SHROOM3: variants seen among roughly 807,000 people sequenced by gnomAD.
The protein encoded by SHROOM3 is protein Shroom3.
SHROOM3 carries 47 observed loss-of-function variants against 138.6 expected under a neutral mutation model. The ratio of observed to expected loss-of-function variants is 0.34; its 90% CI spans 0.27 to 0.43. The LOEUF (loss-of-function observed/expected upper bound fraction) is 0.43, where lower values mean the gene tolerates loss of function less well. Among genes scored for constraint, SHROOM3 ranks in the 20% least tolerant of loss-of-function variants. SHROOM3 has a pLI of 1.00. For synonymous variants in SHROOM3, 1,062 were observed against 1,063.3 expected (o/e 1.00, Z 0.02); for missense variants, 2,491 against 2,596.5 (o/e 0.96, Z 0.88).
intron 2 of SHROOM3, among the ~76,000 whole-genome samples, chr4:76,660,103 G>C (rs1260995204): frequency 6.6e-6 from 1 of 151,968 alleles, no homozygotes; most frequent in African/African-American, 2.4e-5. Flanking sequence ...CCACGTCAGG[G>C]CACTGCCACC....
At chr4:76,660,176 G>A (rs1370668620) in intron 2 of SHROOM3, among the ~76,000 whole-genome samples, 2 of 152,080 alleles carry the variant, frequency 1.3e-5, no homozygotes, top group South Asian at 2.1e-4. Context: ...AGCACCATCA[G>A]CATCTTCACC....
At chr4:76,489,926 G>T (rs1475584776) in intron 1 of SHROOM3, among the ~76,000 whole-genome samples, 3 of 152,156 alleles carry the variant, frequency 2.0e-5, no homozygotes, top group Non-Finnish European at 4.4e-5. Flanking sequence ...CAAAAGCAGG[G>T]ATTTATTGAA....
chr4:76,636,310 C>G (rs1466002949), intron 2 of SHROOM3, among the ~76,000 whole-genome samples: 1 of 152,118 alleles, frequency 6.6e-6, no homozygotes, highest in Non-Finnish European at 1.5e-5. Context: ...ATACACACAG[C>G]CCTACTTGTT....
chr4:76,733,304 G>A (rs1036425659), intron 4 of SHROOM3, among the ~76,000 whole-genome samples: 1 of 152,132 alleles, frequency 6.6e-6, no homozygotes. Flanking sequence ...TTCCTCCTCT[G>A]CATCCCAGCC....
chr4:76,657,497 G>A (rs958894024), intron 2 of SHROOM3, among the ~76,000 whole-genome samples: 2 of 152,118 alleles, frequency 1.3e-5, no homozygotes, highest in Non-Finnish European at 2.9e-5. Flanking sequence ...ACTTGTCCCT[G>A]AATATGCCTG....
chr4:76,554,970 A>G (rs1345872363), intron 1 of SHROOM3, among the ~76,000 whole-genome samples: 1 of 149,910 alleles, frequency 6.7e-6, no homozygotes, highest in Non-Finnish European at 1.5e-5. Flanking sequence ...TAGGTAGCAC[A>G]CTCCTTATGA....
At chr4:76,659,143 G>A (rs1173479971) in intron 2 of SHROOM3, among the ~76,000 whole-genome samples, 1 of 151,902 alleles carries the variant, frequency 6.6e-6, no homozygotes, top group African/African-American at 2.4e-5. Flanking sequence ...TGATTAAATT[G>A]TCTCATTGGA....
At chr4:76,708,600 T>C (rs530367031) in intron 2 of SHROOM3, among the ~76,000 whole-genome samples, 2 of 152,342 alleles carry the variant, frequency 1.3e-5, no homozygotes, top group East Asian at 3.9e-4. Context: ...ACTCATATAA[T>C]CTTTACAGTC....
At chr4:76,639,657 C>T (rs934584743) in intron 2 of SHROOM3, 1 of 398,342 alleles carries the variant, frequency 2.5e-6, no homozygotes, top group African/African-American at 2.1e-5. Context: ...GTGAGGGCTT[C>T]ATGGGCCTGT....
chr4:76,497,974 GGACTTC>G (rs1732004942), intron 1 of SHROOM3, among the ~76,000 whole-genome samples: 1 of 152,232 alleles, frequency 6.6e-6, no homozygotes, highest in South Asian at 2.1e-4. Context: ...GTCAATGTGA[GGACTTC>G]GGCTTTTCCT....
At chr4:76,693,351 C>A (rs1359641472) in intron 2 of SHROOM3, among the ~76,000 whole-genome samples, 1 of 125,406 alleles carries the variant, frequency 8.0e-6, no homozygotes, top group Non-Finnish European at 1.6e-5. Context: ...ACTATGCATA[C>A]CTTCATTTTG....
chr4:76,576,836 A>C (rs961315184), intron 2 of SHROOM3, among the ~76,000 whole-genome samples: 4 of 152,120 alleles, frequency 2.6e-5, no homozygotes, highest in Admixed American at 6.5e-5. Context: ...GTAAGATGGT[A>C]AATTTTGTTA....
chr4:76,529,462 T>C (rs1732784280), intron 1 of SHROOM3, among the ~76,000 whole-genome samples: 1 of 151,912 alleles, frequency 6.6e-6, no homozygotes, highest in Non-Finnish European at 1.5e-5. Context: ...GACTACAGGC[T>C]CCCGCCACCA....
chr4:76,477,771 G>T (rs936008069), intron 1 of SHROOM3, among the ~76,000 whole-genome samples: 1 of 152,120 alleles, frequency 6.6e-6, no homozygotes, highest in Non-Finnish European at 1.5e-5. Flanking sequence ...TCCAGCTGAG[G>T]TACCCAGCTC....
At chr4:76,760,739 C>G (rs1030290610) in intron 9 of SHROOM3, among the ~76,000 whole-genome samples, 1 of 152,198 alleles carries the variant, frequency 6.6e-6, no homozygotes, top group East Asian at 1.9e-4. Context: ...TATTTACATA[C>G]TTGTCATTGT....
intron 3 of SHROOM3, among the ~76,000 whole-genome samples, chr4:76,713,027 A>AGGGCACTCACCATG (rs1336803632): frequency 6.6e-6 from 1 of 152,246 alleles, no homozygotes; most frequent in Non-Finnish European, 1.5e-5. Context: ...ACACCTACAT[A>AGGGCACTCACCATG]GGGCACTCAC....
At chr4:76,707,651 G>GTGTTCAATGTACAGGTAAGT (rs1720096277) in intron 2 of SHROOM3, among the ~76,000 whole-genome samples, 1 of 152,078 alleles carries the variant, frequency 6.6e-6, no homozygotes, top group African/African-American at 2.4e-5. Context: ...TACAGGTAAG[G>GTGTTCAATGTACAGGTAAGT]TATTCAATGT....
chr4:76,738,615 G>T, intron 4 of SHROOM3, 146 bp from the exon 5 acceptor site: 1 of 857,752 alleles, frequency 1.2e-6, no homozygotes, highest in Admixed American at 2.1e-5. Flanking sequence ...AGGAGGCTGA[G>T]CAAGGCCCAA....
intron 2 of SHROOM3, among the ~76,000 whole-genome samples, chr4:76,685,212 T>C (rs939602159): frequency 2.0e-5 from 3 of 152,206 alleles, no homozygotes; most frequent in African/African-American, 7.2e-5. Flanking sequence ...GACTTTCAAC[T>C]TATATATAAG....
Sources: gnomAD v4.1 joint callset for allele counts (sites outside exome capture counted in the v4.1 genomes callset) on GRCh38, gnomAD v4.1.1 for gene constraint, MANE v1.5 for transcripts, NCBI Gene and HGNC (gene_info 2026-07-23, HGNC 2026-07-21) for gene names.